WDFY3: variants seen among roughly 807,000 people sequenced by gnomAD.
The protein encoded by WDFY3 is WD repeat and FYVE domain containing 3.
Under a neutral mutation model 409.6 loss-of-function variants are expected in WDFY3, and 66 were observed. The ratio of observed to expected loss-of-function variants is 0.16; its 90% CI spans 0.13 to 0.20. The LOEUF is 0.20. WDFY3 is among the 10% of genes least tolerant of loss of function. The pLI, the probability that WDFY3 is intolerant of heterozygous loss-of-function variation, is 1.00. For synonymous variants in WDFY3, 1,521 were observed against 1,537.1 expected (o/e 0.99, Z 0.25); for missense variants, 3,031 against 4,298.1 (o/e 0.71, Z 8.24).
At chr4:84,830,181 G>A (rs1755494590) in intron 8 of WDFY3, among the ~76,000 whole-genome samples, 9 of 152,106 alleles carry the variant, frequency 5.9e-5, no homozygotes, top group Admixed American at 5.9e-4. Flanking sequence ...TAATTATTTT[G>A]AAAGAGTTTC....
intron 2 of WDFY3, among the ~76,000 whole-genome samples, chr4:84,898,251 T>A (rs2150583305): frequency 6.6e-6 from 1 of 152,340 alleles, no homozygotes; most frequent in African/African-American, 2.4e-5. Context: ...TGGACAATGC[T>A]GGCTTGGGGG....
At chr4:84,749,896 C>T (rs1740199196) in intron 36 of WDFY3, among the ~76,000 whole-genome samples, 1 of 152,036 alleles carries the variant, frequency 6.6e-6, no homozygotes, top group Admixed American at 6.6e-5. Context: ...AAGGTTAATA[C>T]ATGTTATTAT....
intron 48 of WDFY3, among the ~76,000 whole-genome samples, chr4:84,717,844 T>C (rs1026064620): frequency 6.6e-6 from 1 of 151,960 alleles, no homozygotes; most frequent in South Asian, 2.1e-4. Context: ...GTCAGGAGAT[T>C]GAGACCATCC....
chr4:84,688,710 A>AT (rs908660312), intron 61 of WDFY3, among the ~76,000 whole-genome samples: 3 of 150,782 alleles, frequency 2.0e-5, no homozygotes, highest in Non-Finnish European at 2.9e-5. Context: ...AATTGAATGA[A>AT]TTTTTTTTTA....
chr4:84,903,492 G>C (rs1013790957), intron 2 of WDFY3, among the ~76,000 whole-genome samples: 1 of 152,034 alleles, frequency 6.6e-6, no homozygotes, highest in African/African-American at 2.4e-5. Flanking sequence ...GCTAATTTTT[G>C]TATTTTTGGT....
At chr4:84,813,775 GT>G (rs1243403580) in intron 13 of WDFY3, among the ~76,000 whole-genome samples, 2 of 152,054 alleles carry the variant, frequency 1.3e-5, no homozygotes, top group African/African-American at 4.8e-5. Context: ...AAAATGGTAT[GT>G]TAAAAAAAAG....
At chr4:84,862,410 T>A (rs1040384894) in intron 3 of WDFY3, among the ~76,000 whole-genome samples, 2 of 152,190 alleles carry the variant, frequency 1.3e-5, no homozygotes, top group African/African-American at 4.8e-5. Flanking sequence ...GTTAGTCCAG[T>A]TCAAAGATGT....
rs2148897650 is a variant in WDFY3, at chr4:84,697,233, T to G, written c.8597-410A>C. On this transcript the variant is annotated intron_variant, in intron 56 of 67. Transcript: ENST00000295888. ...AAGACTCCTTTTCAGCAAAACATTT[T>G]GCAGGGTTACTGTCTTGAATCTCCT... Among the ~76,000 whole-genome samples the G allele has an allele frequency of 1.3e-5, 2 of 152,330 alleles. 1 individual carries two copies. Among genetic ancestry groups the G allele is most frequent in the East Asian group, 3.9e-4 (2 of 5,180 alleles).
chr4:84,857,704 C>G lies in WDFY3; in HGVS notation c.180+2708G>C, dbSNP rs552470920. ...AAGAGCTATTTTAAACCTTTCCCCACCTCTTCTCACGTTCCTACTCTACCA... is the reference window on the plus strand; with the variant it reads ...AAGAGCTATTTTAAACCTTTCCCCAGCTCTTCTCACGTTCCTACTCTACCA... On this transcript the variant is annotated intron_variant, in intron 4 of 67. Coordinates refer to ENST00000295888, the MANE Select transcript of WDFY3 (RefSeq NM_014991.6). Among the ~76,000 whole-genome samples, 6 of 152,272 alleles carry G rather than the reference C, an allele frequency of 3.9e-5. No individual in the cohort carries two copies. In the East Asian group the frequency reaches 1.2e-3, roughly 29 times the overall value.
chr4:84,761,742 C>T (rs1349936514), intron 32 of WDFY3, among the ~76,000 whole-genome samples: 1 of 152,060 alleles, frequency 6.6e-6, no homozygotes, highest in Non-Finnish European at 1.5e-5. Flanking sequence ...CCAGAATCTA[C>T]AACGAACTCA....
At chr4:84,853,856 A>G (rs987188329) in intron 4 of WDFY3, among the ~76,000 whole-genome samples, 1 of 152,208 alleles carries the variant, frequency 6.6e-6, no homozygotes, top group Admixed American at 6.5e-5. Flanking sequence ...TGCTTCTTAA[A>G]TAAGGTTTAT....
At chr4:84,726,078 C>T (rs1735605494) in intron 45 of WDFY3, among the ~76,000 whole-genome samples, 1 of 151,938 alleles carries the variant, frequency 6.6e-6, no homozygotes, top group Admixed American at 6.6e-5. Context: ...AAAGGAAGGT[C>T]GTAGATTTTG....
chr4:84,855,014 T>C (rs944967472), intron 4 of WDFY3, among the ~76,000 whole-genome samples: 4 of 152,088 alleles, frequency 2.6e-5, no homozygotes, highest in Non-Finnish European at 5.9e-5. Context: ...AGAATACATA[T>C]GTGAAATTCA....
intron 32 of WDFY3, among the ~76,000 whole-genome samples, chr4:84,758,209 G>A (rs550521683): frequency 1.3e-5 from 2 of 152,182 alleles, no homozygotes; most frequent in African/African-American, 2.4e-5. Flanking sequence ...AACTGATTTC[G>A]GTCTGAAGCA....
intron 1 of WDFY3, among the ~76,000 whole-genome samples, chr4:84,948,324 G>A (rs1237027603): frequency 7.2e-5 from 11 of 151,948 alleles, no homozygotes; most frequent in Admixed American, 7.2e-4. Flanking sequence ...TCCCTGTTAA[G>A]ACGTTAGTAT....
At chr4:84,885,330 A>ATG (rs70943380) in intron 3 of WDFY3, among the ~76,000 whole-genome samples, 53,399 of 145,242 alleles carry the variant, frequency 0.37, 9,776 homozygotes, top group South Asian at 0.41. Flanking sequence ...ACATATACAT[A>ATG]TGTGTGTGTG....
At chr4:84,922,463 T>A (rs1486407224) in intron 2 of WDFY3, among the ~76,000 whole-genome samples, 1 of 151,958 alleles carries the variant, frequency 6.6e-6, no homozygotes, top group African/African-American at 2.4e-5. Flanking sequence ...CTTTAAACTT[T>A]AATTTATTAA....
At chr4:84,818,684 G>C (rs1288045425) in intron 12 of WDFY3, among the ~76,000 whole-genome samples, 1 of 151,978 alleles carries the variant, frequency 6.6e-6, no homozygotes, top group Non-Finnish European at 1.5e-5. Flanking sequence ...TTGTCAGTTA[G>C]GACCCACTAG....
chr4:84,906,193 C>T (rs948595480), intron 2 of WDFY3, among the ~76,000 whole-genome samples: 1 of 152,126 alleles, frequency 6.6e-6, no homozygotes, highest in African/African-American at 2.4e-5. Flanking sequence ...AATTTCTATA[C>T]AATTTAAAGT....
Sources: gnomAD v4.1 joint callset for allele counts (sites outside exome capture counted in the v4.1 genomes callset) on GRCh38, gnomAD v4.1.1 for gene constraint, MANE v1.5 for transcripts, NCBI Gene and HGNC (gene_info 2026-07-23, HGNC 2026-07-21) for gene names.